Variants in PTBP2 observed in about 807,000 individuals in gnomAD.
PTBP2 encodes the protein polypyrimidine tract binding protein 2.
Under a neutral mutation model 61.4 loss-of-function variants are expected in PTBP2, and 13 were observed. That is an observed-to-expected ratio of 0.21 (90% CI 0.14 to 0.34). The LOEUF is 0.34. Ranked by LOEUF, PTBP2 falls within the 10% of genes least tolerant of loss-of-function variation. PTBP2 has a pLI of 1.00. For synonymous variants in PTBP2, 215 were observed against 218.5 expected (o/e 0.98, Z 0.14); for missense variants, 405 against 642.6 (o/e 0.63, Z 4.00).
At chr1:96,731,746 A>C (rs1254991610) in intron 2 of PTBP2, among the ~76,000 whole-genome samples, 1 of 152,218 alleles carries the variant, frequency 6.6e-6, no homozygotes, top group Admixed American at 6.5e-5. Context: ...CAGTGAGACT[A>C]TTAAGAAAGA....
At chr1:96,721,958 C>G (rs1218666988) in intron 1 of PTBP2, 86 bp downstream of exon 1, 10 of 1,522,088 alleles carry the variant, frequency 6.6e-6, no homozygotes, top group Non-Finnish European at 8.9e-6. Flanking sequence ...GAGAAACCCT[C>G]CCGCGGCCCC....
At chr1:96,729,514 C>A (rs1651077312) in intron 2 of PTBP2, among the ~76,000 whole-genome samples, 1 of 152,020 alleles carries the variant, frequency 6.6e-6, no homozygotes, top group African/African-American at 2.4e-5. Context: ...AAATTTCTTC[C>A]TTAACTGACA....
At chr1:96,819,310 T>C (rs965116006), downstream of PTBP2, 1 of 152,046 alleles carries the variant, frequency 6.6e-6, no homozygotes, top group South Asian at 2.1e-4. Context: ...ACTATAAATA[T>C]ACATTACCTG....
chr1:96,748,019 T>A (rs1338391225), intron 2 of PTBP2, among the ~76,000 whole-genome samples: 1 of 152,198 alleles, frequency 6.6e-6, no homozygotes, highest in Non-Finnish European at 1.5e-5. Flanking sequence ...AGTCCACTTC[T>A]TCATCATCTT....
chr1:96,799,969 T>G (rs1660806605), intron 8 of PTBP2, among the ~76,000 whole-genome samples: 1 of 152,206 alleles, frequency 6.6e-6, no homozygotes, highest in African/African-American at 2.4e-5. Flanking sequence ...CTTAGACTAC[T>G]CCAGTGATTT....
In PTBP2 at chr1:96,762,906, G is replaced by A. The variant is rs546506938; in HGVS notation, c.116-6797G>A. Among the ~76,000 whole-genome samples, 7 of 151,362 alleles carry A rather than the reference G, an allele frequency of 4.6e-5. No individual in the cohort carries two copies. The South Asian group carries it at 6.3e-4, about 14-fold the overall frequency. On this transcript the variant is annotated intron_variant, in intron 3 of 13. Transcript: ENST00000674951. ...CGCTCCTCACCTCCCAGACGGGGTCGCGGCCGGGTAGAGGCGCTCCTCACA... is the reference window on the plus strand; with the variant it reads ...CGCTCCTCACCTCCCAGACGGGGTCACGGCCGGGTAGAGGCGCTCCTCACA...
chr1:96,749,706 A>G (rs1325216599), intron 2 of PTBP2: 2 of 454,898 alleles, frequency 4.4e-6, no homozygotes, highest in Non-Finnish European at 8.9e-6. Context: ...TTACTTAGTC[A>G]ATAAATATGT....
At chr1:96,727,892 A>AT (rs1440483027) in intron 2 of PTBP2, among the ~76,000 whole-genome samples, 4 of 151,714 alleles carry the variant, frequency 2.6e-5, no homozygotes, top group Admixed American at 2.0e-4. Flanking sequence ...CAGTTTACCA[A>AT]TTTTTTCTTT....
intron 8 of PTBP2, among the ~76,000 whole-genome samples, chr1:96,795,600 A>G (rs1299063086): frequency 6.6e-6 from 1 of 152,258 alleles, no homozygotes; most frequent in African/African-American, 2.4e-5. Context: ...CAAGAAATCT[A>G]GGGATCAAAT....
chr1:96,738,501 C>T (rs1207664607), intron 2 of PTBP2, among the ~76,000 whole-genome samples: 1 of 151,970 alleles, frequency 6.6e-6, no homozygotes, highest in Non-Finnish European at 1.5e-5. Flanking sequence ...TCTAGATCTC[C>T]TGACCTTGTG....
At chr1:96,729,766 T>C (rs1651136962) in intron 2 of PTBP2, among the ~76,000 whole-genome samples, 1 of 147,786 alleles carries the variant, frequency 6.8e-6, no homozygotes, top group Non-Finnish European at 1.5e-5. Context: ...AGACGGAGCC[T>C]TGCTCTGTCG....
At chr1:96,820,390 A>T (rs1209440292) in exon 14 of PTBP2, 3 of 152,264 alleles carry the variant, frequency 2.0e-5, no homozygotes, top group African/African-American at 7.2e-5. Flanking sequence ...ATATTCTAGC[A>T]TATTTAATAT....
At chr1:96,772,117 G>T (rs1335371661) in intron 5 of PTBP2, among the ~76,000 whole-genome samples, 1 of 152,086 alleles carries the variant, frequency 6.6e-6, no homozygotes, top group Admixed American at 6.6e-5. Context: ...AAGATCTCCT[G>T]AGACACCAGC....
Position 96,792,540 on chromosome 1 carries a change from T to A in PTBP2, c.904+7286T>A, listed in dbSNP as rs1019966667. Among the ~76,000 whole-genome samples, 11 of 152,292 alleles carry A rather than the reference T, an allele frequency of 7.2e-5. No individual in the cohort carries two copies. In the South Asian group the frequency reaches 2.3e-3, roughly 32 times the overall value. On this transcript the variant is annotated intron_variant, in intron 8 of 13. Coordinates refer to ENST00000674951, the MANE Select transcript of PTBP2 (RefSeq NM_021190.4). ...CGTCTTCTCACCTGTAGAATAGTTA[T>A]CAAGAATAGTAATATACATATAGTA...
In PTBP2 at chr1:96,785,101, A is replaced by C. The variant is rs749294705; in HGVS notation, c.751A>C (p.Arg251=). ...TATTTATAATGCCTGCTGTACCCTA[A>C]GGATTGATTTTTCCAAACTTGTGAA... ...QNIYNACCTL[R]IDFSKLVNLN... The change falls in exon 8 of 14, where the codon AGG becomes CGG. Residue 251 remains arginine (R), a synonymous_variant. Transcript: ENST00000674951. 33 of 1,607,982 alleles carry C rather than the reference A, an allele frequency of 2.1e-5. No homozygotes were observed. The highest frequency in any genetic ancestry group is 2.7e-5 in the Non-Finnish European group (32 of 1,176,564).
At chr1:96,749,686 C>A (rs980187613) in intron 2 of PTBP2, 2 of 455,566 alleles carry the variant, frequency 4.4e-6, no homozygotes, top group Non-Finnish European at 8.8e-6. Context: ...CAGTTAATAA[C>A]GTAATTCACT....
chr1:96,806,748 TTGAG>T (rs1299016626), intron 10 of PTBP2, 114 bp from the exon 11 acceptor site: 2 of 749,234 alleles, frequency 2.7e-6, no homozygotes, highest in East Asian at 5.2e-5. Context: ...AATGATGAGA[TTGAG>T]TGATCATGTT....
In PTBP2 at chr1:96,813,890, T is replaced by C. The variant is rs1425045949; in HGVS notation, c.*485T>C. 1 of 152,522 alleles carries C rather than the reference T, an allele frequency of 6.6e-6. No homozygotes were observed. The highest frequency in any genetic ancestry group is 6.6e-5 in the Admixed American group (1 of 15,258). 9.4% of individuals were successfully genotyped at this position (152,522 alleles called of 1,614,324 possible). A position where few individuals can be genotyped will look rare whatever the true frequency, so the allele number is the denominator to read the frequency against. On this transcript the variant is annotated 3_prime_UTR_variant, in exon 14 of 14. Coordinates refer to ENST00000674951, the MANE Select transcript of PTBP2 (RefSeq NM_021190.4). ...TACTGGCTTGTCACCTTTTTTTCTA[T>C]TTAATCAAATAAGATACATGATATT...
intron 8 of PTBP2, among the ~76,000 whole-genome samples, chr1:96,796,356 CATT>C (rs1464367410): frequency 1.3e-5 from 2 of 151,086 alleles, no homozygotes; most frequent in East Asian, 3.9e-4. Context: ...GTGTTACAGT[CATT>C]ATTCTTTCCT....
Sources: allele counts gnomAD v4.1 joint callset (sites outside exome capture counted in the v4.1 genomes callset), GRCh38; gene constraint gnomAD v4.1.1; transcripts MANE v1.5; gene names NCBI Gene and HGNC (gene_info 2026-07-23, HGNC 2026-07-21).